LCOR: variants seen among roughly 807,000 people sequenced by gnomAD.
The protein encoded by LCOR is ligand dependent nuclear receptor corepressor, also known as ligand-dependent corepressor.
Under a neutral mutation model 64.4 loss-of-function variants are expected in LCOR, and 14 were observed. That is an observed-to-expected ratio of 0.22 (90% confidence interval 0.14 to 0.34). The LOEUF is 0.34. Ranked by LOEUF, LCOR falls within the 10% of genes least tolerant of loss-of-function variation. LCOR has a pLI of 1.00. For synonymous variants in LCOR, 643 were observed against 642.5 expected (o/e 1.00, Z -0.01); for missense variants, 1,686 against 1,765.3 (o/e 0.96, Z 0.80).
chr10:96,949,342 C>A, intron 6 of LCOR, 47 bp downstream of exon 6: 1 of 1,532,356 alleles, frequency 6.5e-7, no homozygotes, highest in Non-Finnish European at 8.9e-7. Context: ...GAATACTTTA[C>A]TTTGGGGAGA....
intron 5 of LCOR, among the ~76,000 whole-genome samples, chr10:96,946,951 C>T (rs1312496092): frequency 6.6e-6 from 1 of 151,762 alleles, no homozygotes; most frequent in Non-Finnish European, 1.5e-5. Context: ...CAACTATATT[C>T]AGGGGTGGAA....
At chr10:96,970,733 C>T (rs893066699) in intron 7 of LCOR, among the ~76,000 whole-genome samples, 1 of 151,438 alleles carries the variant, frequency 6.6e-6, no homozygotes, top group African/African-American at 2.4e-5. Context: ...GATCTCGGCT[C>T]ACCACAGCCT....
At chr10:96,955,289 T>G (rs992734642) in intron 7 of LCOR, 1 of 1,613,976 alleles carries the variant, frequency 6.2e-7, no homozygotes, top group Non-Finnish European at 8.5e-7. Flanking sequence ...ACCTTCCTTT[T>G]CTTGCAGAAA....
At chr10:96,838,055 A>C (rs910471557) in intron 2 of LCOR, among the ~76,000 whole-genome samples, 3 of 152,222 alleles carry the variant, frequency 2.0e-5, no homozygotes, top group Non-Finnish European at 4.4e-5. Flanking sequence ...TCCTTTTACT[A>C]TTCTATACAC....
intron 7 of LCOR, among the ~76,000 whole-genome samples, chr10:96,964,778 C>G (rs1483450489): frequency 6.6e-6 from 1 of 152,082 alleles, no homozygotes; most frequent in African/African-American, 2.4e-5. Flanking sequence ...CGTCTTCTGT[C>G]TTGACTTAGT....
chr10:96,910,688 G>T (rs1026506334), intron 4 of LCOR, among the ~76,000 whole-genome samples: 18 of 152,170 alleles, frequency 1.2e-4, no homozygotes, highest in South Asian at 2.1e-4. Flanking sequence ...TGGAGAATAT[G>T]GTAATAGCCA....
At chr10:96,949,369 C>G in intron 6 of LCOR, 74 bp downstream of exon 6, 1 of 1,314,322 alleles carries the variant, frequency 7.6e-7, no homozygotes, top group South Asian at 1.3e-5. Flanking sequence ...AAAGCATTGG[C>G]AAGTAGAGCA....
At chr10:96,862,914 C>A (rs1845911327) in intron 2 of LCOR, among the ~76,000 whole-genome samples, 1 of 150,206 alleles carries the variant, frequency 6.7e-6, no homozygotes, top group African/African-American at 2.4e-5. Context: ...GAGTTTTGCC[C>A]TTGTGGCCCA....
At chr10:96,873,570 ACGTGTGTG>A (rs1484429844) in intron 2 of LCOR, among the ~76,000 whole-genome samples, 1 of 66,392 alleles carries the variant, frequency 1.5e-5, no homozygotes, top group East Asian at 8.8e-4. Flanking sequence ...ACACACACAC[ACGTGTGTG>A]TGTGTGTGTG....
chr10:96,961,204 G>A (rs1285212383), intron 7 of LCOR: 1 of 152,056 alleles, frequency 6.6e-6, no homozygotes, highest in African/African-American at 2.4e-5. Flanking sequence ...TGAGAATCGA[G>A]GCTAATTAAT....
At chr10:96,861,659 C>T (rs1175350402) in intron 2 of LCOR, among the ~76,000 whole-genome samples, 3 of 152,142 alleles carry the variant, frequency 2.0e-5, no homozygotes, top group Admixed American at 2.0e-4. Context: ...GATTCTCCTG[C>T]CTCAGGTGCC....
At chr10:96,954,909 C>G in intron 7 of LCOR, 3 of 1,554,978 alleles carry the variant, frequency 1.9e-6, no homozygotes, top group Non-Finnish European at 2.6e-6. Flanking sequence ...TCCCTCCCTA[C>G]CTGTGCAAGT....
intron 7 of LCOR, among the ~76,000 whole-genome samples, chr10:96,968,268 A>G (rs766913527): frequency 3.3e-5 from 5 of 152,102 alleles, no homozygotes; most frequent in Non-Finnish European, 7.4e-5. Flanking sequence ...TCCTCACACA[A>G]TGAGGTGCCC....
intron 2 of LCOR, among the ~76,000 whole-genome samples, chr10:96,855,507 T>C (rs1845788532): frequency 6.6e-6 from 1 of 152,134 alleles, no homozygotes; most frequent in South Asian, 2.1e-4. Context: ...CGATCTTGGC[T>C]CATTGCAACC....
intron 7 of LCOR, chr10:96,957,445 T>A: frequency 1.3e-5 from 13 of 985,266 alleles, no homozygotes; most frequent in Non-Finnish European, 1.6e-5. Context: ...AATTTTTCAT[T>A]GTGATCAGAT....
chr10:96,980,806 G>C lies in LCOR; in HGVS notation c.346G>C (p.Glu116Gln). 2 of 701,090 alleles carry C rather than the reference G, an allele frequency of 2.9e-6. No individual in the cohort carries two copies. The highest frequency in any genetic ancestry group is 5.4e-5 in the East Asian group (2 of 37,266). 43.4% of individuals were successfully genotyped at this position (701,090 alleles called of 1,614,324 possible). ...STQGNGENSTEAKAVDSNNQS... is the reference protein window; with the variant it reads ...STQGNGENSTQAKAVDSNNQS... ...TTCTCTGTCTAGTGAGAACTCAACA[G>C]AGGCAAAAGCAGTAGATTCTAACAA... Residue 116 changes from glutamate (E) to glutamine (Q), a missense_variant, in exon 8 of 8, where the codon GAG becomes CAG. This residue lies in a region of LCOR where 313 missense variants were observed against 247.2 expected (regional missense o/e 1.27). Coordinates refer to ENST00000421806, the MANE Select transcript of LCOR (RefSeq NM_001346516.2).
intron 1 of LCOR, chr10:96,833,197 G>A: frequency 3.0e-6 from 3 of 984,976 alleles, no homozygotes; most frequent in African/African-American, 1.7e-5. Flanking sequence ...CCCCGGCGGG[G>A]GTCGCTCTCG....
intron 2 of LCOR, among the ~76,000 whole-genome samples, chr10:96,851,090 C>T (rs1356505609): frequency 1.3e-5 from 2 of 152,152 alleles, no homozygotes; most frequent in African/African-American, 2.4e-5. Context: ...TCCATTATTA[C>T]GCTAACAGAA....
chr10:96,887,309 T>C (rs1449494983), intron 2 of LCOR, among the ~76,000 whole-genome samples: 1 of 152,168 alleles, frequency 6.6e-6, no homozygotes, highest in African/African-American at 2.4e-5. Context: ...GGCTCACGCT[T>C]GTAATCCCAG....
Sources: gnomAD v4.1 joint callset for allele counts (sites outside exome capture counted in the v4.1 genomes callset) on GRCh38, gnomAD v4.1.1 for gene constraint, gnomAD v4.1.1 regional missense constraint, MANE v1.5 for transcripts, NCBI Gene and HGNC (gene_info 2026-07-23, HGNC 2026-07-21) for gene names.